SPIRE1: variants seen among roughly 807,000 people sequenced by gnomAD.
SPIRE1 encodes protein spire homolog 1.
In SPIRE1, 40 loss-of-function variants were observed where a neutral mutation model predicts 94.1. The observed-to-expected ratio is 0.43, with a 90% CI of 0.33 to 0.55. The LOEUF (loss-of-function observed/expected upper bound fraction) is 0.55. Among genes scored for constraint, SPIRE1 ranks in the 20% least tolerant of loss-of-function variants. The probability of loss-of-function intolerance (pLI) is 0.06; values close to 1 mark genes in which losing one functional copy is unlikely to be tolerated. For missense variants in SPIRE1, 838 were observed against 975.2 expected (o/e 0.86, Z 1.87); for synonymous variants, 376 against 371.7 (o/e 1.01, Z -0.13).
At chr18:12,561,015 T>G (rs1026132687) in intron 2 of SPIRE1, among the ~76,000 whole-genome samples, 1 of 152,192 alleles carries the variant, frequency 6.6e-6, no homozygotes, top group Non-Finnish European at 1.5e-5. Context: ...GATAAATGCT[T>G]GAAGTGATGG....
chr18:12,572,701 C>T (rs2035987549), intron 2 of SPIRE1, among the ~76,000 whole-genome samples: 2 of 152,168 alleles, frequency 1.3e-5, no homozygotes, highest in South Asian at 4.1e-4. Flanking sequence ...ATCAATGGGA[C>T]AGAGTACACA....
At chr18:12,614,962 A>T (rs866520181) in intron 2 of SPIRE1, among the ~76,000 whole-genome samples, 1 of 151,390 alleles carries the variant, frequency 6.6e-6, no homozygotes, top group Middle Eastern at 3.4e-3. Context: ...GCCAAGGCGG[A>T]CGGATTGCCT....
chr18:12,472,749 C>A lies in SPIRE1; in HGVS notation c.1404+6950G>T, dbSNP rs548625146. Among the ~76,000 whole-genome samples, 11 of 152,012 alleles carry A rather than the reference C, an allele frequency of 7.2e-5. No individual in the cohort carries two copies. The South Asian group carries it at 2.3e-3, about 32-fold the overall frequency. On this transcript the variant is annotated intron_variant, in intron 10 of 16. Coordinates refer to ENST00000409402, the MANE Select transcript of SPIRE1 (RefSeq NM_001128626.2). ...GATTATAGCTCACCACAGCCTTTAA[C>A]TCCTGGGCTCAAGTGATCCTCCTGC...
At chr18:12,544,342 G>C (rs1219596834) in intron 3 of SPIRE1, among the ~76,000 whole-genome samples, 2 of 151,438 alleles carry the variant, frequency 1.3e-5, no homozygotes, top group Non-Finnish European at 2.9e-5. Flanking sequence ...TGGGACTACA[G>C]GTATGTGCCA....
At chr18:12,549,619 T>G (rs921942702) in intron 2 of SPIRE1, among the ~76,000 whole-genome samples, 1 of 151,766 alleles carries the variant, frequency 6.6e-6, no homozygotes, top group Non-Finnish European at 1.5e-5. Flanking sequence ...GCCGGGGTAC[T>G]TTTTGTATTT....
At chr18:12,501,820 T>A (rs950930310) in intron 6 of SPIRE1, among the ~76,000 whole-genome samples, 1 of 152,148 alleles carries the variant, frequency 6.6e-6, no homozygotes, top group Non-Finnish European at 1.5e-5. Context: ...GGAATTGCCA[T>A]ATGTGGTGGT....
chr18:12,568,011 G>C (rs2144441149), intron 2 of SPIRE1, among the ~76,000 whole-genome samples: 1 of 152,324 alleles, frequency 6.6e-6, no homozygotes, highest in African/African-American at 2.4e-5. Context: ...TTTGGTGACT[G>C]AGTGCCACCA....
At chr18:12,656,845 A>C (rs1356660224) in intron 1 of SPIRE1, 1 of 188,486 alleles carries the variant, frequency 5.3e-6, no homozygotes, top group Non-Finnish European at 9.9e-6. Flanking sequence ...TCAACTTTTC[A>C]CTTTACAAGC....
chr18:12,484,264 T>C (rs189644920), intron 9 of SPIRE1, among the ~76,000 whole-genome samples: 1 of 152,390 alleles, frequency 6.6e-6, no homozygotes, highest in African/African-American at 2.4e-5. Context: ...ATCTGTAATG[T>C]ATATTGCCAA....
intron 2 of SPIRE1, among the ~76,000 whole-genome samples, chr18:12,548,168 T>A (rs1053815208): frequency 6.6e-6 from 1 of 152,236 alleles, no homozygotes. Context: ...TCAATAATGA[T>A]CTCACTGCTC....
intron 1 of SPIRE1, chr18:12,653,458 T>C (rs1769770087): frequency 6.6e-6 from 1 of 152,168 alleles, no homozygotes; most frequent in African/African-American, 2.4e-5. Context: ...AACAACAATA[T>C]ATTCTGATTT....
intron 5 of SPIRE1, 52 bp downstream of exon 5, chr18:12,512,400 AAT>A (rs1258325463): frequency 3.1e-6 from 4 of 1,295,940 alleles, no homozygotes; most frequent in South Asian, 1.3e-5. Flanking sequence ...AAAAAAAAAA[AAT>A]TATACTATTT....
chr18:12,628,858 G>C (rs1334976402), intron 2 of SPIRE1, among the ~76,000 whole-genome samples: 1 of 152,136 alleles, frequency 6.6e-6, no homozygotes, highest in Non-Finnish European at 1.5e-5. Context: ...TCTGTTATTA[G>C]TGTACAGGAA....
chr18:12,545,544 A>T (rs2035137526), intron 3 of SPIRE1, among the ~76,000 whole-genome samples: 1 of 152,230 alleles, frequency 6.6e-6, no homozygotes, highest in Non-Finnish European at 1.5e-5. Context: ...TCATATATAA[A>T]TAACTGAAAA....
chr18:12,536,494 C>T (rs192707885), intron 3 of SPIRE1, among the ~76,000 whole-genome samples: 2 of 149,722 alleles, frequency 1.3e-5, no homozygotes, highest in East Asian at 3.9e-4. Flanking sequence ...CAATACATGT[C>T]GAATTTTGTA....
chr18:12,652,722 C>A (rs1006042972), intron 1 of SPIRE1, among the ~76,000 whole-genome samples: 7 of 152,150 alleles, frequency 4.6e-5, no homozygotes, highest in African/African-American at 1.7e-4. Flanking sequence ...CAGCCTCTGA[C>A]ACATTTCAAC....
intron 2 of SPIRE1, among the ~76,000 whole-genome samples, chr18:12,586,356 G>A (rs529702360): frequency 6.6e-5 from 10 of 152,140 alleles, no homozygotes; most frequent in Non-Finnish European, 1.2e-4. Context: ...AACTGTTACT[G>A]CCATAAATAG....
In SPIRE1 at chr18:12,496,066, C is replaced by T; in HGVS notation, c.1009G>A (p.Ala337Thr). 2 of 1,613,824 alleles carry T rather than the reference C, an allele frequency of 1.2e-6. No individual in the cohort carries two copies. The highest frequency in any genetic ancestry group is 1.1e-5 in the South Asian group (1 of 91,088). Reference sequence around the variant, plus strand: ...ATGAAGTCGAGGATGATTTCATGAGCACTCTTTTTTAACCGAGGGGGAATA... The same window carrying T: ...ATGAAGTCGAGGATGATTTCATGAGTACTCTTTTTTAACCGAGGGGGAATA... ...GDIPPRLKKS[A>T]HEIILDFIRS... Residue 337 changes from alanine to threonine, a missense_variant, in exon 7 of 17, where the codon GCT becomes ACT. Physicochemically the swap from Ala to Thr is moderately conservative, Grantham distance 58. This residue lies in a region of SPIRE1 where 645 missense variants were observed against 804.7 expected (regional missense o/e 0.80). Coordinates refer to ENST00000409402, the MANE Select transcript of SPIRE1 (RefSeq NM_001128626.2).
At chr18:12,482,260 A>G (rs2032870271) in intron 9 of SPIRE1, among the ~76,000 whole-genome samples, 1 of 152,170 alleles carries the variant, frequency 6.6e-6, no homozygotes, top group African/African-American at 2.4e-5. Context: ...CTCCTGCCTC[A>G]GCCTCCAGAG....
Sources: gnomAD v4.1 joint callset for allele counts (sites outside exome capture counted in the v4.1 genomes callset) on GRCh38, gnomAD v4.1.1 for gene constraint, gnomAD v4.1.1 regional missense constraint, MANE v1.5 for transcripts, NCBI Gene and HGNC (gene_info 2026-07-23, HGNC 2026-07-21) for gene names.